Variants in TAF3 observed in about 807,000 individuals in gnomAD.
TAF3 encodes TATA-box binding protein associated factor 3, also known as transcription initiation factor TFIID subunit 3.
Under a neutral mutation model 80.6 loss-of-function variants are expected in TAF3, and 7 were observed. The ratio of observed to expected loss-of-function variants is 0.09; its 90% CI spans 0.05 to 0.16. The LOEUF (loss-of-function observed/expected upper bound fraction) is 0.16. Among genes scored for constraint, TAF3 ranks in the 10% least tolerant of loss-of-function variants. The pLI is 1.00. For synonymous variants in TAF3, 444 were observed against 446.1 expected (o/e 1.00, Z 0.06); for missense variants, 921 against 1,140.2 (o/e 0.81, Z 2.77).
chr10:7,971,873 C>T (rs1831626287), intron 3 of TAF3, among the ~76,000 whole-genome samples: 2 of 152,144 alleles, frequency 1.3e-5, no homozygotes, highest in South Asian at 4.1e-4. Context: ...GCTTATATGA[C>T]TACTAGTATT....
In TAF3 at chr10:7,998,265, G is replaced by GTATATA. The variant is rs58358249; in HGVS notation, c.2316-10798_2316-10793dup. Among the ~76,000 whole-genome samples the GTATATA allele has an allele frequency of 4.2e-4, 56 of 133,078 alleles. 1 individual carries two copies. The highest frequency in any genetic ancestry group is 1.3e-3 in the East Asian group (6 of 4,562). The allele number at this position is 133,078 out of a possible 152,430, so 87.3% of individuals were successfully genotyped here. On this transcript the variant is annotated intron_variant, in intron 4 of 6. Transcript: ENST00000344293. ...ACTATATATATATATATATATATAT[G>GTATATA]TATATATATATATATATATAAATTT...
intron 2 of TAF3, among the ~76,000 whole-genome samples, chr10:7,948,125 C>T (rs1025085548): frequency 2.6e-5 from 4 of 151,094 alleles, no homozygotes; most frequent in South Asian, 2.1e-4. Context: ...CGCAGTGGTA[C>T]GAACATAGTT....
At chr10:7,877,935 A>G (rs1047089953) in intron 2 of TAF3, among the ~76,000 whole-genome samples, 2 of 152,162 alleles carry the variant, frequency 1.3e-5, no homozygotes, top group African/African-American at 4.8e-5. Context: ...TCTCAAATAC[A>G]TTGGAGCTAA....
At chr10:7,850,286 A>G (rs1340368387) in intron 2 of TAF3, among the ~76,000 whole-genome samples, 1 of 152,248 alleles carries the variant, frequency 6.6e-6, no homozygotes, top group African/African-American at 2.4e-5. Flanking sequence ...CATTCATTTT[A>G]TACTGCGACG....
At chr10:7,905,469 G>T (rs1837599501) in intron 2 of TAF3, among the ~76,000 whole-genome samples, 1 of 152,070 alleles carries the variant, frequency 6.6e-6, no homozygotes, top group African/African-American at 2.4e-5. Flanking sequence ...CACTTTTTTA[G>T]TTTGGATAAC....
At chr10:7,860,023 C>A (rs1280844629) in intron 2 of TAF3, among the ~76,000 whole-genome samples, 1 of 152,172 alleles carries the variant, frequency 6.6e-6, no homozygotes, top group East Asian at 1.9e-4. Flanking sequence ...GTAATCCCAG[C>A]AGTTTGGGAG....
chr10:7,973,988 CAT>C (rs750110643), intron 3 of TAF3, among the ~76,000 whole-genome samples: 2 of 152,212 alleles, frequency 1.3e-5, no homozygotes, highest in African/African-American at 2.4e-5. Flanking sequence ...AGTAGCCGGG[CAT>C]GGTGGCATGC....
intron 2 of TAF3, among the ~76,000 whole-genome samples, chr10:7,927,116 G>T (rs1208948111): frequency 1.3e-5 from 2 of 152,126 alleles, no homozygotes; most frequent in African/African-American, 4.8e-5. Flanking sequence ...AAGTATTGTT[G>T]GAGGGTCCTC....
chr10:7,949,195 G>A (rs1173960097), intron 2 of TAF3, among the ~76,000 whole-genome samples: 1 of 152,260 alleles, frequency 6.6e-6, no homozygotes, highest in African/African-American at 2.4e-5. Context: ...CAGAGAAAGA[G>A]GAAGGGGCTG....
chr10:7,983,544 A>G (rs1831747668), intron 4 of TAF3, among the ~76,000 whole-genome samples: 1 of 152,226 alleles, frequency 6.6e-6, no homozygotes, highest in Non-Finnish European at 1.5e-5. Context: ...TCTTCCTAAC[A>G]AAACTGTCTG....
At chr10:7,896,585 A>G (rs1437372381) in intron 2 of TAF3, among the ~76,000 whole-genome samples, 1 of 152,224 alleles carries the variant, frequency 6.6e-6, no homozygotes, top group Non-Finnish European at 1.5e-5. Context: ...TTGGGGACAG[A>G]TTTAGCTAAG....
intron 4 of TAF3, among the ~76,000 whole-genome samples, chr10:7,998,631 G>T (rs1425389490): frequency 6.6e-6 from 1 of 151,988 alleles, no homozygotes; most frequent in Non-Finnish European, 1.5e-5. Flanking sequence ...CTGAAGTCAG[G>T]AGTTCGAGAC....
chr10:7,906,778 G>A (rs570700030), intron 2 of TAF3, among the ~76,000 whole-genome samples: 63 of 151,006 alleles, frequency 4.2e-4, no homozygotes, highest in Non-Finnish European at 8.3e-4. Context: ...TGTAAAGGAG[G>A]ATCAGTTGAG....
At position 8,014,783 on chromosome 10, in the gene TAF3, A is replaced by T. The variant is rs1232994366; in HGVS notation, c.*32A>T. 1 of 1,544,888 alleles carries T rather than the reference A, an allele frequency of 6.5e-7. No homozygotes were observed. The highest frequency in any genetic ancestry group is 1.2e-5 in the South Asian group (1 of 83,180). On this transcript the variant is annotated 3_prime_UTR_variant, in exon 7 of 7. Transcript: ENST00000344293. The stretch of plus-strand genomic sequence containing the variant: ...CCGAGGGGCTGGACCAAGCGGGGTC[A>T]GCCCGGGCTTCTTCCCTGGCGCCTC...
chr10:7,998,590 G>C (rs1190377299), intron 4 of TAF3, among the ~76,000 whole-genome samples: 1 of 152,066 alleles, frequency 6.6e-6, no homozygotes, highest in African/African-American at 2.4e-5. Context: ...GTTCACACCT[G>C]TAATCCCAGC....
chr10:7,942,720 C>A lies in TAF3; in HGVS notation c.410-21200C>A, dbSNP rs377565403. Among the ~76,000 whole-genome samples, 16 of 152,290 alleles carry A rather than the reference C, an allele frequency of 1.1e-4. No individual in the cohort carries two copies. In the East Asian group the frequency reaches 2.7e-3, roughly 26 times the overall value. On this transcript the variant is annotated intron_variant, in intron 2 of 6. Transcript: ENST00000344293. ...GACAGTGAAATCCAGGGGCCCCATC[C>A]CAAGTGGGCAGCCGAGGCGTGTGGG...
At position 7,965,659 on chromosome 10, in the gene TAF3, G is replaced by A; in HGVS notation, c.2149G>A (p.Glu717Lys). ...EKKKKKEKEK[E>K]KKEKEREKEK... is the part of the protein sequence containing the mutation. ...GAAGAAAAAGAAGGAAAAAGAGAAG[G>A]AGAAGAAGGAGAAGGAAAGAGAGAA... The change falls in exon 3 of 7, where the codon GAG becomes AAG. Residue 717 changes from glutamate (E) to lysine (K), a missense_variant. Around this residue, in one of 6 missense-constraint regions of TAF3, gnomAD observed 743 missense variants for 821.0 expected, o/e 0.90. Transcript: ENST00000344293. 1 of 1,590,942 alleles carries A rather than the reference G, an allele frequency of 6.3e-7. No homozygotes were observed. Among genetic ancestry groups the A allele is most frequent in the Non-Finnish European group, 8.5e-7 (1 of 1,172,080 alleles).
At chr10:7,822,000 T>A (rs1026732532) in intron 1 of TAF3, among the ~76,000 whole-genome samples, 3 of 152,072 alleles carry the variant, frequency 2.0e-5, no homozygotes, top group Admixed American at 6.6e-5. Flanking sequence ...GGTGTCTGAG[T>A]AAAATGTTCA....
Position 8,013,772 on chromosome 10 carries a change from G to A in TAF3, c.2610G>A (p.Gly870=). 1 of 1,614,158 alleles carries A rather than the reference G, an allele frequency of 6.2e-7. No homozygotes were observed. Among genetic ancestry groups the A allele is most frequent in the Non-Finnish European group, 8.5e-7 (1 of 1,180,036 alleles). Residue 870 remains glycine, a synonymous_variant, in exon 6 of 7, where the codon GGG becomes GGA. Transcript: ENST00000344293. ...EWGNQIWICP[G]CNKPDDGSPM... is the part of the protein sequence containing the mutation. ...GCAATCAGATCTGGATCTGCCCTGG[G>A]TGTAACAAGCCTGACGATGGGAGTC...
Sources: allele counts gnomAD v4.1 joint callset (sites outside exome capture counted in the v4.1 genomes callset), GRCh38; gene constraint gnomAD v4.1.1; regional missense constraint gnomAD v4.1.1; transcripts MANE v1.5; gene names NCBI Gene and HGNC (gene_info 2026-07-23, HGNC 2026-07-21).